Variants in PODXL observed in about 807,000 individuals in gnomAD.
PODXL encodes the protein podocalyxin like.
A neutral mutation model predicts 48.9 loss-of-function variants in PODXL; 20 were observed. The ratio of observed to expected loss-of-function variants is 0.41; its 90% CI spans 0.29 to 0.59. The LOEUF (loss-of-function observed/expected upper bound fraction) is 0.59, where lower values mean the gene tolerates loss of function less well. Ranked by LOEUF, PODXL falls within the 20% of genes least tolerant of loss-of-function variation. The probability of loss-of-function intolerance (pLI) is 0.31; values close to 1 mark genes in which losing one functional copy is unlikely to be tolerated. For missense variants in PODXL, 606 were observed against 675.1 expected, an observed-to-expected ratio of 0.90 and a Z score of 1.13; for synonymous variants, 295 against 287.4, an observed-to-expected ratio of 1.03 and a Z score of -0.27.
Position 131,500,711 on chromosome 7 carries a change from C to G in PODXL, c.*3600G>C, listed in dbSNP as rs141266893. The G allele has an allele frequency of 6.6e-6, 1 of 152,344 alleles. No individual in the cohort carries two copies. Among genetic ancestry groups the G allele is most frequent in the East Asian group, 1.9e-4 (1 of 5,188 alleles). 9.4% of individuals were successfully genotyped at this position (152,344 alleles called of 1,614,324 possible). On this transcript the variant is annotated 3_prime_UTR_variant, in exon 9 of 9. Transcript: ENST00000378555. ...ACTTACATCTTAAACCTAAATGATT[C>G]AGAGAAAGTGTAGAAGACCAGTTCT...
At position 131,503,327 on chromosome 7, in the gene PODXL, G is replaced by C. The variant is rs1257181717; in HGVS notation, c.*984C>G. ...GAATCACTCCCATCAGCTGAGCAGT[G>C]AACAACAAAAGGAACACGCTGCTCT... On this transcript the variant is annotated 3_prime_UTR_variant, in exon 9 of 9. Coordinates refer to ENST00000378555, the MANE Select transcript of PODXL (RefSeq NM_001018111.3). 2 of 152,458 alleles carry C rather than the reference G, an allele frequency of 1.3e-5. No individual in the cohort carries two copies. Among genetic ancestry groups the C allele is most frequent in the Non-Finnish European group, 2.9e-5 (2 of 68,056 alleles). 9.4% of individuals were successfully genotyped at this position (152,458 alleles called of 1,614,324 possible).
At chr7:131,507,014 T>C (rs978903710) in intron 5 of PODXL, 1 of 369,138 alleles carries the variant, frequency 2.7e-6, no homozygotes, top group Non-Finnish European at 5.0e-6. Context: ...CTAGTGCCTC[T>C]TTTTTCCCTC....
intron 1 of PODXL, among the ~76,000 whole-genome samples, chr7:131,518,029 G>T (rs988626442): frequency 6.6e-6 from 1 of 152,110 alleles, no homozygotes; most frequent in African/African-American, 2.4e-5. Flanking sequence ...GTGAGCCATC[G>T]GGGCCGGCCG....
At chr7:131,516,736 C>CTT (rs58722955) in intron 1 of PODXL, among the ~76,000 whole-genome samples, 53,082 of 124,932 alleles carry the variant, frequency 0.42, 13,048 homozygotes, top group East Asian at 0.79. Flanking sequence ...TTTTTTTTCT[C>CTT]TTTTTTTTTT....
chr7:131,532,435 C>T (rs1383830597), intron 1 of PODXL, among the ~76,000 whole-genome samples: 1 of 113,470 alleles, frequency 8.8e-6, no homozygotes, highest in African/African-American at 3.4e-5. Flanking sequence ...GACTCCGTCT[C>T]AAAAAAAAAA....
At chr7:131,514,632 G>C (rs1797963690) in intron 1 of PODXL, among the ~76,000 whole-genome samples, 1 of 151,988 alleles carries the variant, frequency 6.6e-6, no homozygotes, top group Non-Finnish European at 1.5e-5. Flanking sequence ...TTGTGAGACA[G>C]GATCTTGCTC....
Position 131,509,653 on chromosome 7 carries a change from T to G in PODXL, c.803-68A>C, listed in dbSNP as rs73157521. The stretch of plus-strand genomic sequence containing the variant: ...CCCTTGCGAGAAGAGGACAATCTTT[T>G]CTTGCTCTAATAGTTTTCCCAGGTT... On this transcript the variant is annotated intron_variant, in intron 3 of 8. Transcript: ENST00000378555. The G allele has an allele frequency of 2.2e-3, 2,379 of 1,101,484 alleles. 14 individuals carry two copies. The highest frequency in any genetic ancestry group is 7.9e-3 in the South Asian group (436 of 55,070). The allele number at this position is 1,101,484 out of a possible 1,614,324, so 68.2% of individuals were successfully genotyped here.
chr7:131,523,507 C>T (rs1584817780), intron 1 of PODXL, among the ~76,000 whole-genome samples: 2 of 151,194 alleles, frequency 1.3e-5, no homozygotes, highest in South Asian at 4.2e-4. Context: ...ACGGTGAAAC[C>T]CTGTCTCTAC....
chr7:131,519,603 A>G (rs11763812), intron 1 of PODXL, among the ~76,000 whole-genome samples: 33,545 of 148,710 alleles, frequency 0.23, 4,183 homozygotes, highest in Admixed American at 0.41. Flanking sequence ...TCAAAAGGGG[A>G]AAAAAAAAAA....
In PODXL at chr7:131,504,377, G is replaced by A. The variant is rs1797762868; in HGVS notation, c.1611C>T (p.Ser537=). Residue 537 remains serine (S), a synonymous_variant, in exon 9 of 9, where the codon AGC becomes AGT. Transcript: ENST00000378555. ...TCAGGTTGTCCAGAGGGACGATCCA[G>A]CTGTCCCCCAGCTCCCCGTTGAGGC... ...VVSLNGELGD[S]WIVPLDNLTK... 1 of 1,614,162 alleles carries A rather than the reference G, an allele frequency of 6.2e-7. No homozygotes were observed. The highest frequency in any genetic ancestry group is 8.5e-7 in the Non-Finnish European group (1 of 1,180,000).
rs1400605548 is a variant in PODXL, at chr7:131,500,288, T to A, written c.*4023A>T. 3 of 152,458 alleles carry A rather than the reference T, an allele frequency of 2.0e-5. No homozygotes were observed. Among genetic ancestry groups the A allele is most frequent in the Non-Finnish European group, 2.9e-5 (2 of 68,036 alleles). The allele number at this position is 152,458 out of a possible 1,614,324, so 9.4% of individuals were successfully genotyped here. On this transcript the variant is annotated 3_prime_UTR_variant, in exon 9 of 9. Coordinates refer to ENST00000378555, the MANE Select transcript of PODXL (RefSeq NM_001018111.3). ...TGAACCAGTTTACACAAAAACACTTTAATTGACAGTATACAATTTTCCAAA... is the reference window on the plus strand; with the variant it reads ...TGAACCAGTTTACACAAAAACACTTAAATTGACAGTATACAATTTTCCAAA...
intron 1 of PODXL, among the ~76,000 whole-genome samples, chr7:131,546,533 C>T (rs926903907): frequency 3.3e-5 from 5 of 151,904 alleles, no homozygotes; most frequent in African/African-American, 9.7e-5. Flanking sequence ...CAAGACCAGC[C>T]TGGCCAACAT....
At chr7:131,545,491 G>T (rs759681861) in intron 1 of PODXL, among the ~76,000 whole-genome samples, 1 of 152,146 alleles carries the variant, frequency 6.6e-6, no homozygotes, top group Admixed American at 6.6e-5. Flanking sequence ...TGGGACAGTT[G>T]GTCACTCTAT....
intron 1 of PODXL, among the ~76,000 whole-genome samples, chr7:131,521,756 C>G (rs373486503): frequency 6.6e-6 from 1 of 152,192 alleles, no homozygotes; most frequent in Admixed American, 6.5e-5. Context: ...CCTGGGAACC[C>G]CGCCAGGTGC....
Position 131,556,450 on chromosome 7 carries a change from G to A in PODXL, c.-91C>T. On this transcript the variant is annotated 5_prime_UTR_variant, in exon 1 of 9. Coordinates refer to ENST00000378555, the MANE Select transcript of PODXL (RefSeq NM_001018111.3). Reference sequence around the variant, plus strand: ...CGGTAGGAGCGTGGGCGCCGCCCGGGGAGGCCTGTGGGTGGCTCCGGAGGC... The same window carrying A: ...CGGTAGGAGCGTGGGCGCCGCCCGGAGAGGCCTGTGGGTGGCTCCGGAGGC... 3 of 1,282,890 alleles carry A rather than the reference G, an allele frequency of 2.3e-6. No individual in the cohort carries two copies. The highest frequency in any genetic ancestry group is 3.1e-5 in the East Asian group (1 of 32,100). The allele number at this position is 1,282,890 out of a possible 1,614,324, so 79.5% of individuals were successfully genotyped here.
chr7:131,539,491 C>T (rs955327356), intron 1 of PODXL, among the ~76,000 whole-genome samples: 1 of 152,114 alleles, frequency 6.6e-6, no homozygotes, highest in Non-Finnish European at 1.5e-5. Context: ...CCACCACGCT[C>T]AGCTCATTTT....
intron 1 of PODXL, among the ~76,000 whole-genome samples, chr7:131,538,658 C>T (rs979519048): frequency 5.9e-5 from 9 of 152,130 alleles, no homozygotes; most frequent in African/African-American, 2.2e-4. Flanking sequence ...ATTCCTGCGT[C>T]GCCACTCCCT....
At position 131,534,078 on chromosome 7, in the gene PODXL, G is replaced by A. The variant is rs150840617; in HGVS notation, c.100+22182C>T. ...CCACCTCCCCTTACCCGTTAGAGCC[G>A]CGCAGCCCACCTCCTCCTCCACTCC... On this transcript the variant is annotated intron_variant, in intron 1 of 8. Transcript: ENST00000378555. Among the ~76,000 whole-genome samples, 365 of 143,468 alleles carry A rather than the reference G, an allele frequency of 2.5e-3. 2 individuals carry two copies. The highest frequency in any genetic ancestry group is 8.5e-3 in the African/African-American group (338 of 39,822). 94.1% of individuals were successfully genotyped at this position (143,468 alleles called of 152,430 possible). A position where few individuals can be genotyped will look rare whatever the true frequency, so the allele number is the denominator to read the frequency against.
At chr7:131,518,756 C>T (rs542418304) in intron 1 of PODXL, among the ~76,000 whole-genome samples, 134 of 152,304 alleles carry the variant, frequency 8.8e-4, no homozygotes, top group African/African-American at 3.1e-3. Flanking sequence ...GAAACGGCGC[C>T]GCTGACAGAA....
Sources: allele counts gnomAD v4.1 joint callset (sites outside exome capture counted in the v4.1 genomes callset), GRCh38; gene constraint gnomAD v4.1.1; transcripts MANE v1.5; gene names NCBI Gene and HGNC (gene_info 2026-07-23, HGNC 2026-07-21).